NPAS3: variants seen among roughly 807,000 people sequenced by gnomAD.
NPAS3 encodes neuronal PAS domain-containing protein 3.
NPAS3 carries 14 observed loss-of-function variants against 73.1 expected under a neutral mutation model. That is an observed-to-expected ratio of 0.19 (90% CI 0.13 to 0.30). The LOEUF is 0.30. Ranked by LOEUF, NPAS3 falls within the 10% of genes least tolerant of loss-of-function variation. NPAS3 has a pLI of 1.00. For missense variants in NPAS3, 1,096 were observed against 1,250.0 expected (o/e 0.88, Z 1.86); for synonymous variants, 620 against 541.5 (o/e 1.14, Z -2.01).
intron 5 of NPAS3, among the ~76,000 whole-genome samples, chr14:33,644,115 C>G (rs1567082220): frequency 6.6e-6 from 1 of 152,114 alleles, no homozygotes; most frequent in Admixed American, 6.6e-5. Flanking sequence ...GCATTGAAGA[C>G]TTTCTTGTAC....
chr14:33,011,843 A>G (rs1412789236), intron 1 of NPAS3, among the ~76,000 whole-genome samples: 1 of 152,204 alleles, frequency 6.6e-6, no homozygotes, highest in Non-Finnish European at 1.5e-5. Flanking sequence ...TGGGCTGCCC[A>G]AGGTGTACTC....
upstream of NPAS3, among the ~76,000 whole-genome samples, chr14:32,938,466 A>AGAGAGAGAGAAAGT (rs2035776186): frequency 1.5e-5 from 2 of 129,216 alleles, no homozygotes; most frequent in African/African-American, 3.0e-5. Context: ...AAAGAGAGAG[A>AGAGAGAGAGAAAGT]GAGAGAGAGA....
chr14:33,012,010 G>A (rs1235887428), intron 1 of NPAS3, among the ~76,000 whole-genome samples: 3 of 151,178 alleles, frequency 2.0e-5, no homozygotes, highest in East Asian at 2.0e-4. Flanking sequence ...ATATAAAATC[G>A]TACACAGGAG....
At chr14:32,986,785 C>A (rs2038116796) in intron 1 of NPAS3, among the ~76,000 whole-genome samples, 1 of 152,146 alleles carries the variant, frequency 6.6e-6, no homozygotes, top group South Asian at 2.1e-4. Flanking sequence ...TGTGGGAATG[C>A]AGGTCTTTAG....
chr14:32,974,602 T>C (rs2037574392), intron 1 of NPAS3, among the ~76,000 whole-genome samples: 1 of 152,176 alleles, frequency 6.6e-6, no homozygotes, highest in South Asian at 2.1e-4. Flanking sequence ...TTGACATTGG[T>C]TTAACAACCA....
intron 2 of NPAS3, among the ~76,000 whole-genome samples, chr14:33,140,630 T>G (rs2044011187): frequency 6.6e-6 from 1 of 152,190 alleles, no homozygotes; most frequent in South Asian, 2.1e-4. Context: ...TTTGTTTTGC[T>G]TTTCCCATCG....
At chr14:32,991,680 A>G (rs1363095882) in intron 1 of NPAS3, among the ~76,000 whole-genome samples, 2 of 152,224 alleles carry the variant, frequency 1.3e-5, no homozygotes, top group African/African-American at 4.8e-5. Context: ...GATTAGTTTA[A>G]AGCGATTTGG....
intron 3 of NPAS3, among the ~76,000 whole-genome samples, chr14:33,281,669 T>G (rs1432330895): frequency 6.6e-6 from 1 of 152,206 alleles, no homozygotes; most frequent in East Asian, 1.9e-4. Context: ...TTGGCACAAT[T>G]CTGTACATAT....
At chr14:33,724,219 G>T (rs1480555226) in intron 6 of NPAS3, among the ~76,000 whole-genome samples, 1 of 152,120 alleles carries the variant, frequency 6.6e-6, no homozygotes, top group East Asian at 1.9e-4. Flanking sequence ...AGTTCATTCA[G>T]ATTGATCAGG....
intron 5 of NPAS3, among the ~76,000 whole-genome samples, chr14:33,645,378 C>T (rs985729430): frequency 1.3e-5 from 2 of 152,110 alleles, no homozygotes; most frequent in Non-Finnish European, 2.9e-5. Flanking sequence ...AGTCCACAGG[C>T]TCTGTGTAGT....
At chr14:33,692,014 T>G (rs2060249527) in intron 6 of NPAS3, among the ~76,000 whole-genome samples, 2 of 152,092 alleles carry the variant, frequency 1.3e-5, no homozygotes, top group African/African-American at 4.8e-5. Context: ...TCAATTATAG[T>G]TTTGTGAGAT....
intron 2 of NPAS3, among the ~76,000 whole-genome samples, chr14:33,101,316 G>C (rs1174983719): frequency 6.6e-6 from 1 of 152,114 alleles, no homozygotes; most frequent in Non-Finnish European, 1.5e-5. Flanking sequence ...AAAAAGGGAA[G>C]TTATAAATCC....
chr14:32,946,865 A>G (rs1000120553), intron 1 of NPAS3, among the ~76,000 whole-genome samples: 1 of 152,326 alleles, frequency 6.6e-6, no homozygotes, highest in African/African-American at 2.4e-5. Context: ...AGTGAAAAAT[A>G]GACTACAAAA....
intron 3 of NPAS3, among the ~76,000 whole-genome samples, chr14:33,334,463 A>G (rs77962250): frequency 1.6e-3 from 242 of 152,238 alleles, no homozygotes; most frequent in African/African-American, 5.4e-3. Flanking sequence ...AAATTCATGT[A>G]AGTGTAATCT....
rs955457790 is a variant in NPAS3 at position 33,221,133 on chromosome 14, C to G, written c.385+5707C>G. Among the ~76,000 whole-genome samples, 3 of 152,158 alleles carry G rather than the reference C, an allele frequency of 2.0e-5. No individual in the cohort carries two copies. The South Asian group carries it at 6.2e-4, about 32-fold the overall frequency. On this transcript the variant is annotated intron_variant, in intron 3 of 11. Transcript: ENST00000356141. ...CTGGGGGTTCAGCCTAGCTCTGTCCCATGTTAGAAGGCAGCACCTATTTGG... is the reference window on the plus strand; with the variant it reads ...CTGGGGGTTCAGCCTAGCTCTGTCCGATGTTAGAAGGCAGCACCTATTTGG...
chr14:33,087,182 C>T (rs567749609), intron 2 of NPAS3, among the ~76,000 whole-genome samples: 513 of 111,658 alleles, frequency 4.6e-3, no homozygotes, highest in Non-Finnish European at 8.1e-3. Context: ...ATATAGTATA[C>T]AATATAATAT....
intron 5 of NPAS3, among the ~76,000 whole-genome samples, chr14:33,647,269 A>ACTCTCTCT (rs536728235): frequency 6.8e-6 from 1 of 148,058 alleles, no homozygotes; most frequent in African/African-American, 2.5e-5. Flanking sequence ...ACATCTTCTT[A>ACTCTCTCT]CTCTCTCTCT....
At chr14:33,230,579 C>G (rs879945435) in intron 3 of NPAS3, among the ~76,000 whole-genome samples, 10 of 152,036 alleles carry the variant, frequency 6.6e-5, no homozygotes, top group Admixed American at 5.9e-4. Context: ...AATATGAAAT[C>G]ATATACTCCA....
chr14:33,635,852 G>A (rs1005932869), intron 5 of NPAS3, among the ~76,000 whole-genome samples: 29 of 152,150 alleles, frequency 1.9e-4, no homozygotes, highest in African/African-American at 7.0e-4. Flanking sequence ...CATTTATGCA[G>A]CATTAGATCA....
Sources: allele counts gnomAD v4.1 joint callset (sites outside exome capture counted in the v4.1 genomes callset), GRCh38; gene constraint gnomAD v4.1.1; transcripts MANE v1.5; gene names NCBI Gene and HGNC (gene_info 2026-07-23, HGNC 2026-07-21).